Variants in HMGB3 observed in about 807,000 individuals in gnomAD.
HMGB3 encodes the protein high mobility group protein B3.
In HMGB3, 1 loss-of-function variant was observed where a neutral mutation model predicts 12.9. The observed-to-expected ratio is 0.08, with a 90% CI of 0.03 to 0.37. The LOEUF is 0.37. HMGB3 is among the 10% of genes least tolerant of loss of function. The pLI is 0.99. For missense variants in HMGB3, 74 were observed against 153.3 expected (o/e 0.48, Z 2.73); for synonymous variants, 61 against 53.9 (o/e 1.13, Z -0.57).
At position 150,988,751 on chromosome X, in the gene HMGB3, C is replaced by G. The variant is rs1411769813; in HGVS notation, c.*837C>G. ...TGAAATGTTTTTGAAGTTAAATAAACAGTATTACATTTTTAAAACTCTTCT... is the reference window on the plus strand; with the variant it reads ...TGAAATGTTTTTGAAGTTAAATAAAGAGTATTACATTTTTAAAACTCTTCT... On this transcript the variant is annotated 3_prime_UTR_variant, in exon 5 of 5. Coordinates refer to ENST00000325307, the MANE Select transcript of HMGB3 (RefSeq NM_005342.4). The G allele has an allele frequency of 8.9e-6, 1 of 112,009 alleles. No individual in the cohort carries two copies. Among genetic ancestry groups the G allele is most frequent in the African/African-American group, 3.3e-5 (1 of 30,751 alleles). 9.2% of individuals were successfully genotyped at this position (112,009 alleles called of 1,213,427 possible).
In HMGB3 at chrX:150,988,054, A is replaced by G. The variant is rs1461907578; in HGVS notation, c.*140A>G. On this transcript the variant is annotated 3_prime_UTR_variant, in exon 5 of 5. Coordinates refer to ENST00000325307, the MANE Select transcript of HMGB3 (RefSeq NM_005342.4). ...ATCACGATCATATTGTAGTCTCTCAAAGTGCTCTAGAAATTGTCAGTGGTT... is the reference window on the plus strand; with the variant it reads ...ATCACGATCATATTGTAGTCTCTCAGAGTGCTCTAGAAATTGTCAGTGGTT... 6.6e-5 allele frequency: 54 copies of G among 816,463 alleles called. No individual in the cohort carries two copies. Among genetic ancestry groups the G allele is most frequent in the South Asian group, 9.4e-5 (3 of 31,926 alleles). 67.3% of individuals were successfully genotyped at this position (816,463 alleles called of 1,213,427 possible).
chrX:150,981,491 T>C (rs140975502), upstream of HMGB3, among the ~76,000 whole-genome samples: 7,860 of 87,942 alleles, frequency 0.089, 267 homozygotes, highest in Middle Eastern at 0.15. Flanking sequence ...TTTTTTTTTT[T>C]CGGAGTCTTG....
chrX:150,987,727 T>C (rs1557425279), intron 4 of HMGB3, 50 bp from the exon 5 acceptor site: 1 of 1,033,956 alleles, frequency 9.7e-7, no homozygotes, highest in Admixed American at 2.4e-5. Context: ...GTTTCTACTT[T>C]GTGTTAAAAC....
chrX:150,981,053 G>T (rs782099484), upstream of HMGB3, among the ~76,000 whole-genome samples: 1 of 111,272 alleles, frequency 9.0e-6, no homozygotes, highest in East Asian at 2.8e-4. Context: ...GTATTGGTCA[G>T]ATCACTTGTG....
At chrX:150,983,334 C>T, upstream of HMGB3, 1 of 755,293 alleles carries the variant, frequency 1.3e-6, no homozygotes, top group Non-Finnish European at 1.6e-6. Context: ...AGCGCTGAGC[C>T]GCGCGTCGTG....
chrX:150,985,853 AC>A (rs2048046712), intron 2 of HMGB3, 104 bp downstream of exon 2: 7 of 857,463 alleles, frequency 8.2e-6, no homozygotes, highest in Non-Finnish European at 1.2e-5. Flanking sequence ...TTCCTCTTTT[AC>A]TTTTACTTAG....
intron 3 of HMGB3, among the ~76,000 whole-genome samples, chrX:150,986,839 G>A (rs2048058586): frequency 9.0e-6 from 1 of 110,899 alleles, no homozygotes; most frequent in South Asian, 3.8e-4. Flanking sequence ...TAGAGACGGG[G>A]TTTCTCCATG....
Position 150,988,558 on chromosome X carries a change from T to A in HMGB3, c.*644T>A, listed in dbSNP as rs2048079507. On this transcript the variant is annotated 3_prime_UTR_variant, in exon 5 of 5. Transcript: ENST00000325307. ...GGGGGTCAGCTGGCATGAGAATATT[T>A]TTTTTTTTTAAGTGCGGTAGTTTTT... The A allele has an allele frequency of 9.3e-6, 1 of 107,697 alleles. No homozygotes were observed. Among genetic ancestry groups the A allele is most frequent in the African/African-American group, 3.3e-5 (1 of 30,100 alleles). 8.9% of individuals were successfully genotyped at this position (107,697 alleles called of 1,213,427 possible). A position where few individuals can be genotyped will look rare whatever the true frequency, so the allele number is the denominator to read the frequency against.
At chrX:150,983,679 G>A (rs2048014009) in intron 1 of HMGB3, 1 of 598,106 alleles carries the variant, frequency 1.7e-6, no homozygotes, top group Non-Finnish European at 2.0e-6. Flanking sequence ...GCGGCCCCAG[G>A]GGCCGCAGCC....
rs2048050582 is a variant in HMGB3 at position 150,986,204 on chromosome X, G to A, written c.290+14G>A. On this transcript the variant is annotated intron_variant, in intron 3 of 4. Coordinates refer to ENST00000325307, the MANE Select transcript of HMGB3 (RefSeq NM_005342.4). ...CAAAAGGCCACCGTAAGTGACTATA[G>A]GATTCAAGATAACAATTAATACCTT... 2 of 1,149,011 alleles carry A rather than the reference G, an allele frequency of 1.7e-6. No individual in the cohort carries two copies. Among genetic ancestry groups the A allele is most frequent in the Non-Finnish European group, 2.3e-6 (2 of 861,410 alleles). 94.7% of individuals were successfully genotyped at this position (1,149,011 alleles called of 1,213,427 possible).
At chrX:150,985,515 G>A (rs2048043098) in intron 1 of HMGB3, 80 bp from the exon 2 acceptor site, 2 of 811,921 alleles carry the variant, frequency 2.5e-6, no homozygotes, top group South Asian at 3.2e-5. Context: ...GTTTTGCTCT[G>A]CCTTTGGTAC....
chrX:150,980,706 G>A (rs1051553537), upstream of HMGB3: 160 of 520,947 alleles, frequency 3.1e-4, 1 homozygote, highest in Non-Finnish European at 3.5e-4. Flanking sequence ...GGGAAGCATG[G>A]ATCTTGAGGG....
rs1249699606 is a variant in HMGB3 at position 150,990,446 on chromosome X, C to T, written c.*2532C>T. The T allele has an allele frequency of 8.9e-6, 1 of 111,802 alleles. No homozygotes were observed. Among genetic ancestry groups the T allele is most frequent in the African/African-American group, 3.3e-5 (1 of 30,759 alleles). 9.2% of individuals were successfully genotyped at this position (111,802 alleles called of 1,213,427 possible). ...ATTGCTCTTCTAGTGGAATAATGCC[C>T]TAGTTTCTCTGAGATGATGTAAGTG... On this transcript the variant is annotated 3_prime_UTR_variant, in exon 5 of 5. Coordinates refer to ENST00000325307, the MANE Select transcript of HMGB3 (RefSeq NM_005342.4).
chrX:150,983,404 GCCGCCGCCGCCGC>G, intron 1 of HMGB3, 28 bp downstream of exon 1: 1 of 9,611 alleles, frequency 1.0e-4, no homozygotes, highest in East Asian at 0.053. Context: ...CGCTCCCGCC[GCCGCCGCCGCCGC>G]CGCCGCCGCC....
rs1341591860 is a variant in HMGB3, at chrX:150,990,346, C to T, written c.*2432C>T. 6.3e-5 allele frequency: 7 copies of T among 111,952 alleles called. No individual in the cohort carries two copies. The highest frequency in any genetic ancestry group is 1.1e-4 in the Non-Finnish European group (6 of 53,220). 9.2% of individuals were successfully genotyped at this position (111,952 alleles called of 1,213,427 possible). ...AGGCAAACATTGAGTTTTAAAGAGG[C>T]TGTCAAGTTGAGGCCACTTGGTCCA... On this transcript the variant is annotated 3_prime_UTR_variant, in exon 5 of 5. Coordinates refer to ENST00000325307, the MANE Select transcript of HMGB3 (RefSeq NM_005342.4).
chrX:150,983,407 G>GCTC lies in HMGB3; in HGVS notation c.-6+32_-6+33insTCC, dbSNP rs1438228800. On this transcript the variant is annotated intron_variant, in intron 1 of 4. Transcript: ENST00000325307. Reference sequence around the variant, plus strand: ...TCTCGCACCGCCCGCTCCCGCCGCCGCCGCCGCCGCCGCCGCCGCCGCCGC... The same window carrying GCTC: ...TCTCGCACCGCCCGCTCCCGCCGCCGCTCCCGCCGCCGCCGCCGCCGCCGCCGC... 1.2e-3 allele frequency: 19 copies of GCTC among 15,774 alleles called. No homozygotes were observed. In the South Asian group the frequency reaches 0.031, roughly 26 times the overall value. The allele number at this position is 15,774 out of a possible 1,213,427, so 1.3% of individuals were successfully genotyped here.
At chrX:150,981,692 G>A (rs190032799), upstream of HMGB3, among the ~76,000 whole-genome samples, 4 of 110,778 alleles carry the variant, frequency 3.6e-5, no homozygotes, top group African/African-American at 9.9e-5. Flanking sequence ...TCCTGATCTC[G>A]TGATCCGCCT....
chrX:150,982,507 G>A (rs1435444864), upstream of HMGB3, among the ~76,000 whole-genome samples: 3 of 112,506 alleles, frequency 2.7e-5, no homozygotes, highest in East Asian at 5.5e-4. Context: ...CAGGAGAGCA[G>A]AGGGAATGAG....
chrX:150,984,677 T>G (rs1354889278), intron 1 of HMGB3: 75 of 473,364 alleles, frequency 1.6e-4, no homozygotes, highest in Non-Finnish European at 2.0e-4. Context: ...GCGGGCTGCC[T>G]GCTGCCGGCC....
Sources: gnomAD v4.1 joint callset for allele counts (sites outside exome capture counted in the v4.1 genomes callset) on GRCh38, gnomAD v4.1.1 for gene constraint, MANE v1.5 for transcripts, NCBI Gene and HGNC (gene_info 2026-07-23, HGNC 2026-07-21) for gene names.